Variants in HIVEP1 observed in about 807,000 individuals in gnomAD.
The protein encoded by HIVEP1 is zinc finger protein 40.
Under a neutral mutation model 180.0 loss-of-function variants are expected in HIVEP1, and 36 were observed. The observed-to-expected ratio is 0.20, with a 90% CI of 0.15 to 0.26. HIVEP1 has a LOEUF of 0.26. Among genes scored for constraint, HIVEP1 ranks in the 10% least tolerant of loss-of-function variants. The pLI, the probability that HIVEP1 is intolerant of heterozygous loss-of-function variation, is 1.00. For missense variants in HIVEP1, 3,143 were observed against 3,268.7 expected (o/e 0.96, Z 0.94); for synonymous variants, 1,239 against 1,239.0 (o/e 1.00, Z 0.00).
At chr6:12,174,635 A>G in the HIVEP1 span, among the ~76,000 whole-genome samples, 2 of 152,164 alleles carry the variant, frequency 1.3e-5, no homozygotes, top group South Asian at 2.1e-4. Context: ...AAATCCTTCA[A>G]AAAAAGAAGA....
chr6:12,082,290 G>T (rs1413750920), intron 2 of HIVEP1, among the ~76,000 whole-genome samples: 1 of 151,996 alleles, frequency 6.6e-6, no homozygotes, highest in Non-Finnish European at 1.5e-5. Context: ...TCATATGCAG[G>T]TACCATAAAT....
chr6:12,043,523 C>T (rs1769917046), intron 2 of HIVEP1, among the ~76,000 whole-genome samples: 1 of 151,894 alleles, frequency 6.6e-6, no homozygotes, highest in African/African-American at 2.4e-5. Context: ...CCTGCCACCA[C>T]AGCCAGCTAA....
In HIVEP1 at chr6:12,164,260, C is replaced by T. The variant is rs1423228521; in HGVS notation, c.7956C>T (p.Ser2652=). 1.2e-6 allele frequency: 2 copies of T among 1,614,112 alleles called. No individual in the cohort carries two copies. The highest frequency in any genetic ancestry group is 1.7e-5 in the Admixed American group (1 of 60,022). Reference sequence around the variant, plus strand: ...TGAAGCCCAAGCCTGAACTCACTTCCATACAGGGCCAACCAGCGTCCACGT... The same window carrying T: ...TGAAGCCCAAGCCTGAACTCACTTCTATACAGGGCCAACCAGCGTCCACGT... The part of the protein sequence containing the change: ...NHVKPKPELT[S]IQGQPASTSQ... The change falls in exon 9 of 9, where the codon TCC becomes TCT. Residue 2652 remains serine (S), a synonymous_variant. Transcript: ENST00000379388.
At chr6:12,096,973 G>T (rs930523353) in intron 3 of HIVEP1, among the ~76,000 whole-genome samples, 1 of 152,102 alleles carries the variant, frequency 6.6e-6, no homozygotes, top group East Asian at 1.9e-4. Context: ...CCTTAGAAGG[G>T]TATTGACAAT....
the HIVEP1 span, among the ~76,000 whole-genome samples, chr6:12,200,816 C>T: frequency 1.3e-5 from 2 of 152,236 alleles, no homozygotes; most frequent in South Asian, 4.1e-4. Context: ...CTTTTGCATT[C>T]TACTTTGTAA....
At position 12,163,363 on chromosome 6, in the gene HIVEP1, A is replaced by C; in HGVS notation, c.7059A>C (p.Ser2353=). The C allele has an allele frequency of 6.2e-7, 1 of 1,614,168 alleles. No individual in the cohort carries two copies. Among genetic ancestry groups the C allele is most frequent in the East Asian group, 2.2e-5 (1 of 44,878 alleles). The change falls in exon 9 of 9, where the codon TCA becomes TCC. Residue 2353 remains serine, a synonymous_variant. Transcript: ENST00000379388. ...CAGCGGGGATGCCTTCTGTGGCCTC[A>C]CCACATCCTGACCCTCAAGAACAGA... ...QTAAGMPSVA[S]PHPDPQEQKQ...
the HIVEP1 span, among the ~76,000 whole-genome samples, chr6:12,205,225 A>T: frequency 6.6e-6 from 1 of 152,186 alleles, no homozygotes; most frequent in Non-Finnish European, 1.5e-5. Context: ...TAATCCCAGC[A>T]CTTTGGGAGG....
At position 12,015,524 on chromosome 6, in the gene HIVEP1, A is replaced by T. The variant is rs1767684649; in HGVS notation, c.-103-2A>T. ...GTGCTTCTCCGTTTTTTTCTTTTTC[A>T]GCACATGGATTAATTGATGTATGTT... is the stretch of plus-strand genomic sequence containing the variant. On this transcript the variant is annotated splice_acceptor_variant, in intron 1 of 8. Coordinates refer to ENST00000379388, the MANE Select transcript of HIVEP1 (RefSeq NM_002114.4). LOFTEE classifies it low-confidence loss of function (5UTR_SPLICE). 5 of 897,580 alleles carry T rather than the reference A, an allele frequency of 5.6e-6. No homozygotes were observed. The Admixed American group carries it at 6.8e-5, about 12-fold the overall frequency. The allele number at this position is 897,580 out of a possible 1,614,324, so 55.6% of individuals were successfully genotyped here. A position where few individuals can be genotyped will look rare whatever the true frequency, so the allele number is the denominator to read the frequency against.
intron 3 of HIVEP1, among the ~76,000 whole-genome samples, chr6:12,108,585 T>C (rs558130537): frequency 4.6e-5 from 7 of 152,332 alleles, no homozygotes; most frequent in Admixed American, 2.0e-4. Flanking sequence ...GCTGGTGGGC[T>C]GGCACTGCTG....
rs779955952 is a variant in HIVEP1 at position 12,122,701 on chromosome 6, G to A, written c.2906G>A (p.Arg969Lys). ...FECETCRNRY[R>K]KLENFENHKK... is the part of the protein sequence containing the mutation. Reference sequence around the variant, plus strand: ...TGTGAAACTTGTAGAAACAGGTATAGGAAACTGGAAAATTTTGAAAATCAT... The same window carrying A: ...TGTGAAACTTGTAGAAACAGGTATAAGAAACTGGAAAATTTTGAAAATCAT... The change falls in exon 4 of 9, where the codon AGG becomes AAG. Residue 969 changes from arginine (R) to lysine (K), a missense_variant. Physicochemically the swap from Arg to Lys is conservative, Grantham distance 26 (BLOSUM62 2). Coordinates refer to ENST00000379388, the MANE Select transcript of HIVEP1 (RefSeq NM_002114.4). 5 of 1,614,016 alleles carry A rather than the reference G, an allele frequency of 3.1e-6. No homozygotes were observed. Among genetic ancestry groups the A allele is most frequent in the Non-Finnish European group, 4.2e-6 (5 of 1,179,992 alleles).
At chr6:12,080,003 G>C (rs1772674596) in intron 2 of HIVEP1, among the ~76,000 whole-genome samples, 1 of 151,486 alleles carries the variant, frequency 6.6e-6, no homozygotes, top group African/African-American at 2.4e-5. Context: ...ATTCTCCTTT[G>C]AATGAGTTAT....
chr6:12,163,202 G>C, intron 8 of HIVEP1, 81 bp from the exon 9 acceptor site: 1 of 988,632 alleles, frequency 1.0e-6, no homozygotes, highest in Non-Finnish European at 1.5e-6. Context: ...TCATTGTGAA[G>C]AAATAGATTT....
intron 3 of HIVEP1, among the ~76,000 whole-genome samples, chr6:12,095,704 T>G (rs912779847): frequency 1.3e-5 from 2 of 151,988 alleles, no homozygotes; most frequent in Non-Finnish European, 2.9e-5. Flanking sequence ...ATTTTATAAG[T>G]AAATTAATCA....
intron 2 of HIVEP1, among the ~76,000 whole-genome samples, chr6:12,083,585 G>A (rs1772928983): frequency 6.6e-6 from 1 of 152,106 alleles, no homozygotes; most frequent in South Asian, 2.1e-4. Context: ...GAGTTTGAGG[G>A]AGATGTCAGG....
chr6:12,055,161 C>G lies in HIVEP1; in HGVS notation c.41-34023C>G, dbSNP rs374370728. Among the ~76,000 whole-genome samples the G allele has an allele frequency of 8.5e-5, 13 of 152,326 alleles. No individual in the cohort carries two copies. The East Asian group carries it at 1.2e-3, about 14-fold the overall frequency. On this transcript the variant is annotated intron_variant, in intron 2 of 8. Coordinates refer to ENST00000379388, the MANE Select transcript of HIVEP1 (RefSeq NM_002114.4). ...TTTTTAGAATGTATACTTGAGGAATCTAAACAGGAAAGAAAATTCTTCAGT... is the reference window on the plus strand; with the variant it reads ...TTTTTAGAATGTATACTTGAGGAATGTAAACAGGAAAGAAAATTCTTCAGT...
At chr6:12,089,766 T>G (rs1482296861) in intron 3 of HIVEP1, among the ~76,000 whole-genome samples, 1 of 152,110 alleles carries the variant, frequency 6.6e-6, no homozygotes, top group African/African-American at 2.4e-5. Flanking sequence ...ACTTATCAAA[T>G]AAGAAAAATA....
At chr6:12,015,790 C>G in intron 2 of HIVEP1, 122 bp downstream of exon 2, 2 of 780,916 alleles carry the variant, frequency 2.6e-6, no homozygotes, top group South Asian at 3.2e-5. Context: ...CGCTATTTCT[C>G]TTGCTCATTT....
At chr6:12,177,876 T>G in the HIVEP1 span, among the ~76,000 whole-genome samples, 1 of 152,230 alleles carries the variant, frequency 6.6e-6, no homozygotes, top group African/African-American at 2.4e-5. Flanking sequence ...ATACTTGTAA[T>G]GTAAAATATT....
the HIVEP1 span, among the ~76,000 whole-genome samples, chr6:12,183,979 A>AGAT: frequency 1.8e-5 from 1 of 56,356 alleles, no homozygotes; most frequent in Non-Finnish European, 3.7e-5. Flanking sequence ...TTGTAAAGAT[A>AGAT]GATAGATAGA....
Sources: allele counts gnomAD v4.1 joint callset (sites outside exome capture counted in the v4.1 genomes callset), GRCh38; gene constraint gnomAD v4.1.1; transcripts MANE v1.5; gene names NCBI Gene and HGNC (gene_info 2026-07-23, HGNC 2026-07-21).